Variants in MIB1 observed in about 807,000 individuals in gnomAD.
The protein encoded by MIB1 is MIB E3 ubiquitin protein ligase 1, also known as E3 ubiquitin-protein ligase MIB1.
MIB1 carries 278 observed loss-of-function variants against 124.5 expected under a neutral mutation model. The observed-to-expected ratio is 2.23, with a 90% CI of 2.02 to 2.47. The LOEUF (loss-of-function observed/expected upper bound fraction) is 2.47. MIB1 is among the 30% of genes most tolerant of loss of function. The probability of loss-of-function intolerance (pLI) is 0.00; values close to 1 mark genes in which losing one functional copy is unlikely to be tolerated. For synonymous variants in MIB1, 446 were observed against 429.4 expected (o/e 1.04, Z -0.48); for missense variants, 957 against 1,254.4 (o/e 0.76, Z 3.58).
chr18:21,838,552 G>A, intron 13 of MIB1, 55 bp downstream of exon 13: 2 of 1,412,992 alleles, frequency 1.4e-6, no homozygotes, highest in Non-Finnish European at 1.9e-6. Context: ...AACAATTTGG[G>A]ACCATTGCCA....
At chr18:21,825,505 G>C in intron 12 of MIB1, 1 of 278,284 alleles carries the variant, frequency 3.6e-6, no homozygotes, top group Non-Finnish European at 7.1e-6. Context: ...ATTTTTATTT[G>C]AAATCCTTAA....
intron 1 of MIB1, among the ~76,000 whole-genome samples, chr18:21,764,626 A>C (rs1437181229): frequency 6.6e-6 from 1 of 152,164 alleles, no homozygotes; most frequent in Non-Finnish European, 1.5e-5. Context: ...GAGGAAGATA[A>C]TGTAATGAAC....
At chr18:21,736,393 T>G (rs966561109), upstream of MIB1, among the ~76,000 whole-genome samples, 2 of 152,040 alleles carry the variant, frequency 1.3e-5, no homozygotes, top group African/African-American at 4.8e-5. Context: ...GTAGATAAAT[T>G]CACAGAGATG....
chr18:21,826,739 G>A (rs959225324), intron 12 of MIB1: 10 of 152,062 alleles, frequency 6.6e-5, no homozygotes, highest in African/African-American at 1.9e-4. Context: ...AAAGTTAAGT[G>A]CTCTCAGAGA....
At chr18:21,810,191 G>T (rs1011482672) in intron 10 of MIB1, among the ~76,000 whole-genome samples, 1 of 151,970 alleles carries the variant, frequency 6.6e-6, no homozygotes, top group Non-Finnish European at 1.5e-5. Flanking sequence ...CTTAACGAAG[G>T]AGATAAGACT....
intron 10 of MIB1, among the ~76,000 whole-genome samples, chr18:21,806,021 G>A (rs988503871): frequency 6.7e-6 from 1 of 148,510 alleles, no homozygotes; most frequent in African/African-American, 2.5e-5. Context: ...TTGTGCCTCA[G>A]CCTCCCGAGT....
intron 1 of MIB1, among the ~76,000 whole-genome samples, chr18:21,743,492 TGAA>T (rs1403143284): frequency 2.8e-4 from 42 of 152,400 alleles, no homozygotes; most frequent in African/African-American, 9.4e-4. Flanking sequence ...TGAGTATTTC[TGAA>T]GAAGTGGAAT....
Position 21,741,660 on chromosome 18 carries a change from G to A in MIB1, c.77G>A (p.Trp26Ter), listed in dbSNP as rs2040853612. ...ARVVRGPDWK[W>*]GKQDGGEGHV... ...GTAGTGCGCGGCCCGGACTGGAAGTGGGGGAAGCAGGACGGCGGCGAGGGC... is the reference window on the plus strand; with the variant it reads ...GTAGTGCGCGGCCCGGACTGGAAGTAGGGGAAGCAGGACGGCGGCGAGGGC... The change falls in exon 1 of 21, where the codon TGG becomes TAG. Residue 26 changes from tryptophan to a stop codon, truncating the protein, a stop_gained. Coordinates refer to ENST00000261537, the MANE Select transcript of MIB1 (RefSeq NM_020774.4). LOFTEE classifies it high-confidence loss of function. This position sits in a 1 kb window ranked among gnomAD's most constrained non-coding sequence, Gnocchi z 5.4. 3.7e-6 allele frequency: 6 copies of A among 1,610,998 alleles called. No homozygotes were observed. Among genetic ancestry groups the A allele is most frequent in the Admixed American group, 1.7e-5 (1 of 59,812 alleles).
intron 1 of MIB1, among the ~76,000 whole-genome samples, chr18:21,730,033 T>C (rs1023651147): frequency 6.6e-6 from 1 of 152,234 alleles, no homozygotes; most frequent in Non-Finnish European, 1.5e-5. Flanking sequence ...AGAATGAATA[T>C]TGGATCAAGA....
At chr18:21,728,259 G>A (rs1306303937) in intron 1 of MIB1, among the ~76,000 whole-genome samples, 3 of 152,152 alleles carry the variant, frequency 2.0e-5, no homozygotes, top group Admixed American at 1.3e-4. Context: ...TTGGGAGGCC[G>A]AGGTGGGCGG....
chr18:21,727,572 C>T (rs2040748000), intron 1 of MIB1, among the ~76,000 whole-genome samples: 1 of 152,046 alleles, frequency 6.6e-6, no homozygotes. Context: ...ACAAGACTCC[C>T]TTATCTACAA....
intron 3 of MIB1, among the ~76,000 whole-genome samples, chr18:21,772,880 T>C (rs560951435): frequency 6.6e-6 from 1 of 152,328 alleles, no homozygotes; most frequent in East Asian, 1.9e-4. Context: ...TTGTGCTTGT[T>C]AATTTTTAGT....
chr18:21,731,162 C>T (rs2040767964), intron 1 of MIB1, among the ~76,000 whole-genome samples: 1 of 152,112 alleles, frequency 6.6e-6, no homozygotes, highest in African/African-American at 2.4e-5. Flanking sequence ...TTGTACGTAC[C>T]TGAGTATTGG....
chr18:21,720,890 G>A (rs2146357969), intron 1 of MIB1, among the ~76,000 whole-genome samples: 1 of 152,252 alleles, frequency 6.6e-6, no homozygotes, highest in South Asian at 2.1e-4. Flanking sequence ...AGGAGTTCGA[G>A]GCTGCAGTAA....
At chr18:21,708,839 AAGTGTGGTGTCTGGGGATGGTTCC>A (rs1156606404) in intron 1 of MIB1, among the ~76,000 whole-genome samples, 1 of 152,190 alleles carries the variant, frequency 6.6e-6, no homozygotes, top group Non-Finnish European at 1.5e-5. Flanking sequence ...ACATTACAAA[AAGTGTGGTGTCTGGGGATGGTTCC>A]AGATGCAGCA....
rs771020731 is a variant in MIB1 at position 21,773,666 on chromosome 18, G to T, written c.574G>T (p.Ala192Ser). The T allele has an allele frequency of 1.9e-6, 3 of 1,609,058 alleles. No individual in the cohort carries two copies. The highest frequency in any genetic ancestry group is 2.7e-5 in the African/African-American group (2 of 74,558). ...QDWSASSPHS[A>S]AYVLWDNGAK... ...CTGGAGTGCATCAAGCCCACATAGC[G>T]CAGCATATGTCCTCTGGGATAATGG... is the stretch of plus-strand genomic sequence containing the variant. Residue 192 changes from alanine (A) to serine (S), a missense_variant, in exon 4 of 21, where the codon GCA (alanine) becomes TCA (serine). Coordinates refer to ENST00000261537, the MANE Select transcript of MIB1 (RefSeq NM_020774.4).
chr18:21,835,772 GAAA>G (rs372315844), intron 12 of MIB1, among the ~76,000 whole-genome samples: 18 of 82,666 alleles, frequency 2.2e-4, no homozygotes, highest in African/African-American at 2.1e-4. Flanking sequence ...TCCATCTCAA[GAAA>G]AAAAAAAAAA....
intron 1 of MIB1, among the ~76,000 whole-genome samples, chr18:21,709,032 C>T (rs753558732): frequency 3.9e-5 from 6 of 151,970 alleles, no homozygotes; most frequent in African/African-American, 1.2e-4. Flanking sequence ...AAAGTCGTGG[C>T]GAGGCCGGGC....
intron 15 of MIB1, 69 bp downstream of exon 15, chr18:21,844,322 G>A (rs1429015078): frequency 2.0e-6 from 3 of 1,470,208 alleles, no homozygotes; most frequent in Admixed American, 1.9e-5. Context: ...TATATTTACT[G>A]GTAATCTAAC....
Sources: allele counts gnomAD v4.1 joint callset (sites outside exome capture counted in the v4.1 genomes callset), GRCh38; gene constraint gnomAD v4.1.1; non-coding constraint Gnocchi (gnomAD v3.1); transcripts MANE v1.5; gene names NCBI Gene and HGNC (gene_info 2026-07-23, HGNC 2026-07-21).